The following GRM5 variants were observed in gnomAD, a reference collection of about 807,000 sequenced individuals.
GRM5 encodes metabotropic glutamate receptor 5.
In GRM5, 19 loss-of-function variants were observed where a neutral mutation model predicts 83.1. That is an observed-to-expected ratio of 0.23 (90% confidence interval 0.16 to 0.34). The LOEUF (loss-of-function observed/expected upper bound fraction) is 0.34, where lower values mean the gene tolerates loss of function less well. Among genes scored for constraint, GRM5 ranks in the 10% least tolerant of loss-of-function variants. The pLI, the probability that GRM5 is intolerant of heterozygous loss-of-function variation, is 1.00. For synonymous variants in GRM5, 675 were observed against 633.6 expected, an observed-to-expected ratio of 1.07 and a Z score of -0.98; for missense variants, 1,160 against 1,588.3, an observed-to-expected ratio of 0.73 and a Z score of 4.58.
In GRM5 at chr11:88,802,596, T is replaced by C. The variant is rs527909825; in HGVS notation, c.911+47310A>G. Among the ~76,000 whole-genome samples, 227 of 152,136 alleles carry C rather than the reference T, an allele frequency of 1.5e-3. 1 individual carries two copies. The highest frequency in any genetic ancestry group is 5.0e-3 in the African/African-American group (207 of 41,516). On this transcript the variant is annotated intron_variant, in intron 3 of 9. Coordinates refer to ENST00000305447, the MANE Select transcript of GRM5 (RefSeq NM_001143831.3). Reference sequence around the variant, plus strand: ...CAATATCATACTGAATGGGCAAAAATTGGAAGCATTCCCTTTGAAAACTGG... The same window carrying C: ...CAATATCATACTGAATGGGCAAAAACTGGAAGCATTCCCTTTGAAAACTGG...
chr11:88,832,510 G>C lies in GRM5; in HGVS notation c.911+17396C>G, dbSNP rs551624911. ...GACATCCCGTATTCATAGATTGAAA[G>C]AATTAACATTGTTACAATGACCATA... is the stretch of plus-strand genomic sequence containing the variant. On this transcript the variant is annotated intron_variant, in intron 3 of 9. Transcript: ENST00000305447. Among the ~76,000 whole-genome samples, 3 of 152,064 alleles carry C rather than the reference G, an allele frequency of 2.0e-5. No individual in the cohort carries two copies. In the South Asian group the frequency reaches 6.2e-4, roughly 32 times the overall value.
chr11:88,870,605 T>G (rs1314972592), intron 2 of GRM5, among the ~76,000 whole-genome samples: 2 of 151,604 alleles, frequency 1.3e-5, no homozygotes, highest in East Asian at 3.9e-4. Flanking sequence ...GTTTGTAGTC[T>G]GATAGACCAA....
intron 3 of GRM5, among the ~76,000 whole-genome samples, chr11:88,763,639 C>T (rs1301852347): frequency 6.6e-6 from 1 of 151,774 alleles, no homozygotes; most frequent in Non-Finnish European, 1.5e-5. Flanking sequence ...AGAACAGAAT[C>T]TCTATATGTT....
chr11:88,711,731 A>G (rs1591458029), intron 3 of GRM5, among the ~76,000 whole-genome samples: 2 of 152,266 alleles, frequency 1.3e-5, no homozygotes, highest in African/African-American at 4.8e-5. Flanking sequence ...GACAAATAGT[A>G]GGCACTACAA....
At chr11:88,521,020 A>G (rs1941669938) in intron 9 of GRM5, among the ~76,000 whole-genome samples, 1 of 152,082 alleles carries the variant, frequency 6.6e-6, no homozygotes, top group Admixed American at 6.5e-5. Flanking sequence ...GGGACTAGAG[A>G]GCTGTCTATT....
At chr11:89,057,581 A>G (rs1477694100) in intron 1 of GRM5, among the ~76,000 whole-genome samples, 1 of 152,214 alleles carries the variant, frequency 6.6e-6, no homozygotes, top group Non-Finnish European at 1.5e-5. Flanking sequence ...TTAGCAGTCT[A>G]TGAAGACCTG....
At chr11:88,602,446 C>T (rs115220596) in intron 5 of GRM5, among the ~76,000 whole-genome samples, 1,526 of 152,286 alleles carry the variant, frequency 0.01, 24 homozygotes, top group African/African-American at 0.035. Context: ...GTTGCCATCT[C>T]TCTCAGCTTC....
chr11:88,559,057 A>G (rs1018530795), intron 8 of GRM5, among the ~76,000 whole-genome samples: 3 of 152,114 alleles, frequency 2.0e-5, no homozygotes, highest in South Asian at 2.1e-4. Context: ...AATATTATAC[A>G]TAATAAAAAT....
At chr11:88,966,873 C>T (rs1938991719) in intron 2 of GRM5, among the ~76,000 whole-genome samples, 1 of 152,192 alleles carries the variant, frequency 6.6e-6, no homozygotes, top group Middle Eastern at 3.4e-3. Flanking sequence ...CAAGTGTTTT[C>T]TCCTCTCATG....
At chr11:88,665,262 T>C (rs1940013151) in intron 3 of GRM5, among the ~76,000 whole-genome samples, 1 of 151,340 alleles carries the variant, frequency 6.6e-6, no homozygotes, top group Admixed American at 6.6e-5. Flanking sequence ...CTTAAACCAT[T>C]AAATTAATAT....
chr11:88,645,945 C>T (rs1388865555), intron 4 of GRM5, among the ~76,000 whole-genome samples: 4 of 152,078 alleles, frequency 2.6e-5, no homozygotes, highest in African/African-American at 9.7e-5. Context: ...ATGAGTGTAT[C>T]ATTTACTTCA....
intron 2 of GRM5, among the ~76,000 whole-genome samples, chr11:89,040,481 A>C (rs1392269110): frequency 6.6e-6 from 1 of 152,176 alleles, no homozygotes; most frequent in East Asian, 1.9e-4. Context: ...AGGCCAAGGC[A>C]GGTGGGAGTT....
chr11:88,883,420 T>C (rs1944993490), intron 2 of GRM5, among the ~76,000 whole-genome samples: 1 of 152,184 alleles, frequency 6.6e-6, no homozygotes, highest in African/African-American at 2.4e-5. Context: ...TTGTCCCTGC[T>C]TTAGAGATCT....
At chr11:88,725,101 T>C (rs956115270) in intron 3 of GRM5, among the ~76,000 whole-genome samples, 2 of 152,108 alleles carry the variant, frequency 1.3e-5, no homozygotes, top group Admixed American at 6.6e-5. Context: ...GTGGATCCCA[T>C]CCTCATGGAG....
At chr11:88,886,031 T>C (rs1945039526) in intron 2 of GRM5, among the ~76,000 whole-genome samples, 1 of 152,210 alleles carries the variant, frequency 6.6e-6, no homozygotes, top group Non-Finnish European at 1.5e-5. Flanking sequence ...CTGCACTCTA[T>C]GTAAACATCA....
At chr11:88,556,524 T>G (rs532345119) in intron 8 of GRM5, among the ~76,000 whole-genome samples, 1 of 152,180 alleles carries the variant, frequency 6.6e-6, no homozygotes, top group South Asian at 2.1e-4. Context: ...GGTTTCACCA[T>G]GTTGGTCAGG....
intron 8 of GRM5, among the ~76,000 whole-genome samples, chr11:88,531,224 T>C (rs1942000479): frequency 6.6e-6 from 1 of 152,114 alleles, no homozygotes; most frequent in Admixed American, 6.6e-5. Flanking sequence ...TAAGAAACTT[T>C]ACTTGAGAGA....
At chr11:88,858,647 G>A (rs1311661970) in intron 2 of GRM5, among the ~76,000 whole-genome samples, 1 of 152,026 alleles carries the variant, frequency 6.6e-6, no homozygotes, top group Admixed American at 6.6e-5. Flanking sequence ...TGGTTTGGTA[G>A]ATTCCTGAGC....
chr11:88,910,962 C>A (rs1428175319), intron 2 of GRM5, among the ~76,000 whole-genome samples: 2 of 151,928 alleles, frequency 1.3e-5, no homozygotes, highest in African/African-American at 4.8e-5. Flanking sequence ...AAAAACAAAT[C>A]CAAAGTTCTC....
Sources: gnomAD v4.1 joint callset for allele counts (sites outside exome capture counted in the v4.1 genomes callset) on GRCh38, gnomAD v4.1.1 for gene constraint, MANE v1.5 for transcripts, NCBI Gene and HGNC (gene_info 2026-07-23, HGNC 2026-07-21) for gene names.